ARHGEF18: variants seen among roughly 807,000 people sequenced by gnomAD.
ARHGEF18 encodes rho guanine nucleotide exchange factor 18.
ARHGEF18 carries 93 observed loss-of-function variants against 155.7 expected under a neutral mutation model. That is an observed-to-expected ratio of 0.60 (90% CI 0.50 to 0.71). The LOEUF is 0.71. Among genes scored for constraint, ARHGEF18 ranks in the 30% least tolerant of loss-of-function variants. The pLI is 0.00. For missense variants in ARHGEF18, 1,593 were observed against 1,816.1 expected (o/e 0.88, Z 2.23); for synonymous variants, 742 against 753.1 (o/e 0.99, Z 0.24).
rs201615895 is a variant in ARHGEF18 at position 7,458,670 on chromosome 19, C to G, written c.2340C>G (p.His780Gln). The G allele has an allele frequency of 6.2e-7, 1 of 1,613,686 alleles. No homozygotes were observed. Among genetic ancestry groups the G allele is most frequent in the Non-Finnish European group, 8.5e-7 (1 of 1,179,820 alleles). Residue 780 changes from histidine (H) to glutamine (Q), a missense_variant, in exon 19 of 29, where the codon CAC becomes CAG. Transcript: ENST00000668164. ...SKEDRNAWMA[H>Q]IQRAVESCPD... ...AGGACAGGAACGCCTGGATGGCCCA[C>G]ATCCAAAGGGCTGTGGAGAGGTGAG...
intron 10 of ARHGEF18, among the ~76,000 whole-genome samples, chr19:7,406,211 G>C (rs913969797): frequency 3.3e-5 from 5 of 152,068 alleles, no homozygotes; most frequent in Admixed American, 3.3e-4. Flanking sequence ...CAGCCTCCCA[G>C]GTAGCTGGGA....
chr19:7,408,910 G>A (rs1320086324), intron 10 of ARHGEF18, among the ~76,000 whole-genome samples: 2 of 152,018 alleles, frequency 1.3e-5, no homozygotes, highest in Non-Finnish European at 2.9e-5. Context: ...CACACGCGTG[G>A]TGACTACAGG....
chr19:7,457,178 G>C (rs1297280951), intron 18 of ARHGEF18, among the ~76,000 whole-genome samples: 1 of 152,042 alleles, frequency 6.6e-6, no homozygotes, highest in African/African-American at 2.4e-5. Flanking sequence ...CAGCAGGGTT[G>C]GTTTCTTCTG....
Position 7,451,218 on chromosome 19 carries a change from A to T in ARHGEF18, c.1807A>T (p.Ile603Leu), listed in dbSNP as rs764295811. Residue 603 changes from isoleucine (I) to leucine (L), a missense_variant, in exon 16 of 29, where the codon ATA becomes TTA. Ile to Leu is a conservative substitution (Grantham distance 5). Transcript: ENST00000668164. ...GTGCATTCTCCTGGTTACACAACGC[A>T]TAACCAAATACCCAGTGCTGGTGGA... is the stretch of plus-strand genomic sequence containing the variant. ...QECILLVTQR[I>L]TKYPVLVERI... 3.7e-6 allele frequency: 6 copies of T among 1,602,142 alleles called. No individual in the cohort carries two copies. In the African/African-American group the frequency reaches 8.4e-5, roughly 22 times the overall value.
At chr19:7,469,355 T>G (rs1976871468) in intron 27 of ARHGEF18, among the ~76,000 whole-genome samples, 2 of 151,954 alleles carry the variant, frequency 1.3e-5, no homozygotes, top group Admixed American at 6.6e-5. Flanking sequence ...ACCTCAACCC[T>G]CAAAACAGTG....
At position 7,458,635 on chromosome 19, in the gene ARHGEF18, A is replaced by G. The variant is rs545186632; in HGVS notation, c.2305A>G (p.Ser769Gly). 6.2e-7 allele frequency: 1 copy of G among 1,614,154 alleles called. No individual in the cohort carries two copies. The highest frequency in any genetic ancestry group is 2.2e-5 in the East Asian group (1 of 44,880). Residue 769 changes from serine to glycine, a missense_variant, in exon 19 of 29, where the codon AGC becomes GGC. By Grantham distance (56) the Ser-to-Gly change is moderately conservative. Coordinates refer to ENST00000668164, the MANE Select transcript of ARHGEF18 (RefSeq NM_001367823.1). ...GCCGGAGATGTATGAAATCTACACG[A>G]GCTCCAAAGAGGACAGGAACGCCTG... Reference protein sequence around the residue: ...QGPEMYEIYTSSKEDRNAWMA... With the variant: ...QGPEMYEIYTGSKEDRNAWMA...
intron 2 of ARHGEF18, among the ~76,000 whole-genome samples, chr19:7,363,226 G>A (rs1026655238): frequency 6.6e-6 from 1 of 152,030 alleles, no homozygotes; most frequent in African/African-American, 2.4e-5. Context: ...AAGGATGGAT[G>A]GATGGATGGA....
In ARHGEF18 at chr19:7,467,628, C is replaced by A; in HGVS notation, c.3424C>A (p.Arg1142Ser). The A allele has an allele frequency of 6.6e-7, 1 of 1,515,120 alleles. No homozygotes were observed. The highest frequency in any genetic ancestry group is 8.8e-7 in the Non-Finnish European group (1 of 1,139,418). 93.9% of individuals were successfully genotyped at this position (1,515,120 alleles called of 1,614,324 possible). ...RERERLELLR[R>S]LKKQNTAPGA... ...GCGGGAGCGCCTGGAGCTGCTGCGCCGCCTCAAGAAGCAGAACACCGCGCC... is the reference window on the plus strand; with the variant it reads ...GCGGGAGCGCCTGGAGCTGCTGCGCAGCCTCAAGAAGCAGAACACCGCGCC... The change falls in exon 26 of 29, where the codon CGC (arginine) becomes AGC (serine). Residue 1142 changes from arginine (R) to serine (S), a missense_variant. By Grantham distance (110) the Arg-to-Ser change is moderately radical. Transcript: ENST00000668164.
chr19:7,395,138 C>T lies in ARHGEF18; in HGVS notation c.967+11935C>T. Reference sequence around the variant, plus strand: ...CTCGCGCGGCTTCCCGCTTCCGGCTCCCAGCTGCTAGCTACTGTGGATCTG... The same window carrying T: ...CTCGCGCGGCTTCCCGCTTCCGGCTTCCAGCTGCTAGCTACTGTGGATCTG... On this transcript the variant is annotated intron_variant, in intron 10 of 28. Transcript: ENST00000668164. The surrounding 1 kb of genome is among the most constrained non-coding windows in gnomAD (Gnocchi z 5.0). 1 of 985,588 alleles carries T rather than the reference C, an allele frequency of 1.0e-6. No homozygotes were observed. Among genetic ancestry groups the T allele is most frequent in the Non-Finnish European group, 1.2e-6 (1 of 830,030 alleles). The allele number at this position is 985,588 out of a possible 1,614,324, so 61.1% of individuals were successfully genotyped here.
intron 1 of ARHGEF18, among the ~76,000 whole-genome samples, chr19:7,356,480 A>C (rs1969311866): frequency 6.6e-6 from 1 of 151,722 alleles, no homozygotes. Flanking sequence ...CACCATGTTG[A>C]TCAGGCTGGT....
Position 7,470,241 on chromosome 19 carries a change from G to A in ARHGEF18, c.4029G>A (p.Pro1343=), listed in dbSNP as rs535617091. 1.6e-5 allele frequency: 25 copies of A among 1,606,284 alleles called. No individual in the cohort carries two copies. The highest frequency in any genetic ancestry group is 1.7e-4 in the Middle Eastern group (1 of 6,052). Residue 1343 remains proline (P), a synonymous_variant, in exon 29 of 29, where the codon CCG becomes CCA. Transcript: ENST00000668164. The surrounding 1 kb of genome is among the most constrained non-coding windows in gnomAD (Gnocchi z 5.9). ...LPGPPAPSPL[P]ATPLSAKEDA... Reference sequence around the variant, plus strand: ...GGCCCCCAGCTCCCTCGCCACTGCCGGCCACACCACTCAGCGCCAAGGAGG... The same window carrying A: ...GGCCCCCAGCTCCCTCGCCACTGCCAGCCACACCACTCAGCGCCAAGGAGG...
intron 19 of ARHGEF18, among the ~76,000 whole-genome samples, chr19:7,459,238 T>G (rs963934473): frequency 6.6e-6 from 1 of 151,970 alleles, no homozygotes; most frequent in East Asian, 1.9e-4. Context: ...TTTTGTTTTT[T>G]AGAGTCTGGC....
At chr19:7,403,788 G>A (rs977487641) in intron 10 of ARHGEF18, among the ~76,000 whole-genome samples, 1 of 151,820 alleles carries the variant, frequency 6.6e-6, no homozygotes, top group Admixed American at 6.6e-5. Context: ...CCTCCTGCTG[G>A]GCTCAATGAC....
chr19:7,364,402 A>AAGAAAGGAAGGAAGGAAGGAAGGCAGGC (rs1969795352), intron 2 of ARHGEF18, among the ~76,000 whole-genome samples: 37 of 129,758 alleles, frequency 2.9e-4, no homozygotes, highest in African/African-American at 9.9e-4. Context: ...GGAAGGAAGG[A>AAGAAAGGAAGGAAGGAAGGAAGGCAGGC]AGGCAGGCTG....
the ARHGEF18 span, chr19:7,478,219 C>T: frequency 1.5e-6 from 2 of 1,353,998 alleles, no homozygotes; most frequent in African/African-American, 2.9e-5. Context: ...GCACAACAGT[C>T]CCCAGCATGG....
intron 14 of ARHGEF18, among the ~76,000 whole-genome samples, chr19:7,446,456 T>C (rs1231210349): frequency 1.3e-5 from 2 of 151,946 alleles, no homozygotes; most frequent in Non-Finnish European, 1.5e-5. Context: ...AAATATACTT[T>C]GGCTGGCCAG....
At chr19:7,437,924 T>G (rs1685617160) in intron 10 of ARHGEF18, among the ~76,000 whole-genome samples, 1 of 152,088 alleles carries the variant, frequency 6.6e-6, no homozygotes, top group Non-Finnish European at 1.5e-5. Context: ...ATTACAGGCA[T>G]GAGCCACTGC....
rs1445884617 is a variant in ARHGEF18 at position 7,462,176 on chromosome 19, T to C, written c.2477T>C (p.Leu826Pro). The change falls in exon 21 of 29, where the codon CTG becomes CCG. Residue 826 changes from leucine to proline, a missense_variant. Leu to Pro is a moderately conservative substitution (Grantham distance 98, BLOSUM62 -3). Coordinates refer to ENST00000668164, the MANE Select transcript of ARHGEF18 (RefSeq NM_001367823.1). The surrounding 1 kb of genome is among the most constrained non-coding windows in gnomAD (Gnocchi z 4.4). ...GAGCGGTTGAGCATGAAAGACCAGC[T>C]GATCGCACAGAGCCTCCTAGAGAAA... is the stretch of plus-strand genomic sequence containing the variant. ...FQERLSMKDQ[L>P]IAQSLLEKQQ... The C allele has an allele frequency of 6.2e-7, 1 of 1,613,916 alleles. No homozygotes were observed. Among genetic ancestry groups the C allele is most frequent in the Admixed American group, 1.7e-5 (1 of 60,014 alleles).
At chr19:7,415,920 A>G (rs1006592980) in intron 10 of ARHGEF18, among the ~76,000 whole-genome samples, 5 of 152,130 alleles carry the variant, frequency 3.3e-5, no homozygotes, top group African/African-American at 1.2e-4. Flanking sequence ...ACATGAATCC[A>G]TTCATATTGG....
Sources: allele counts gnomAD v4.1 joint callset (sites outside exome capture counted in the v4.1 genomes callset), GRCh38; gene constraint gnomAD v4.1.1; non-coding constraint Gnocchi (gnomAD v3.1); transcripts MANE v1.5; gene names NCBI Gene and HGNC (gene_info 2026-07-23, HGNC 2026-07-21).